Variants in FGF14 observed in about 807,000 individuals in gnomAD.
The protein encoded by FGF14 is fibroblast growth factor homologous factor 4.
In FGF14, 5 loss-of-function variants were observed where a neutral mutation model predicts 25.5. That is an observed-to-expected ratio of 0.20 (90% confidence interval 0.10 to 0.41). The LOEUF is 0.41. Among genes scored for constraint, FGF14 ranks in the 10% least tolerant of loss-of-function variants. FGF14 has a pLI of 1.00. For missense variants in FGF14, 222 were observed against 320.1 expected, an observed-to-expected ratio of 0.69 and a Z score of 2.34; for synonymous variants, 138 against 118.3, an observed-to-expected ratio of 1.17 and a Z score of -1.08.
intron 1 of FGF14, among the ~76,000 whole-genome samples, chr13:101,904,783 T>C (rs910651196): frequency 3.3e-5 from 5 of 152,234 alleles, no homozygotes; most frequent in Non-Finnish European, 5.9e-5. Flanking sequence ...TGGGAGTGTT[T>C]GGACACTAAG....
intron 1 of FGF14, among the ~76,000 whole-genome samples, chr13:101,906,166 T>C (rs141503860): frequency 4.6e-5 from 7 of 152,242 alleles, no homozygotes; most frequent in South Asian, 4.1e-4. Flanking sequence ...AGACAGCAAA[T>C]GCATTCAGTC....
At chr13:101,886,694 T>C (rs545016156) in intron 1 of FGF14, among the ~76,000 whole-genome samples, 15 of 152,056 alleles carry the variant, frequency 9.9e-5, no homozygotes, top group South Asian at 4.2e-4. Flanking sequence ...TATAGATAAA[T>C]GGGATTATAT....
chr13:101,945,658 C>T (rs950077005), intron 1 of FGF14, among the ~76,000 whole-genome samples: 2 of 152,198 alleles, frequency 1.3e-5, no homozygotes, highest in African/African-American at 4.8e-5. Flanking sequence ...TTCCCTTCTG[C>T]CTTCCTTCTG....
intron 1 of FGF14, among the ~76,000 whole-genome samples, chr13:102,328,394 G>C (rs1455742834): frequency 1.3e-5 from 2 of 152,224 alleles, no homozygotes; most frequent in African/African-American, 4.8e-5. Context: ...TTGTCTTCCA[G>C]ATAGACTATT....
At chr13:102,292,653 C>T (rs1411147227) in intron 1 of FGF14, 1 of 152,210 alleles carries the variant, frequency 6.6e-6, no homozygotes, top group African/African-American at 2.4e-5. Context: ...AAAGAAACCA[C>T]CTCACCTACA....
At chr13:102,115,809 A>G (rs1046982316) in intron 1 of FGF14, among the ~76,000 whole-genome samples, 2 of 104,384 alleles carry the variant, frequency 1.9e-5, no homozygotes, top group Non-Finnish European at 3.6e-5. Context: ...CAAATGAACC[A>G]AAAATAAAGT....
intron 1 of FGF14, among the ~76,000 whole-genome samples, chr13:101,989,264 C>T (rs1401754535): frequency 8.6e-5 from 13 of 151,924 alleles, no homozygotes; most frequent in Admixed American, 8.5e-4. Flanking sequence ...TAAAAAGTTA[C>T]AATTTTGATT....
At chr13:101,923,758 C>A (rs2034170990) in intron 1 of FGF14, among the ~76,000 whole-genome samples, 2 of 151,950 alleles carry the variant, frequency 1.3e-5, no homozygotes, top group African/African-American at 4.8e-5. Context: ...AGATTTCTAT[C>A]TATTAAAAAA....
chr13:102,352,975 T>C (rs1026086742), intron 1 of FGF14, among the ~76,000 whole-genome samples: 6 of 151,874 alleles, frequency 4.0e-5, no homozygotes, highest in Admixed American at 3.9e-4. Flanking sequence ...CCTGAAAGAG[T>C]CTTGAATCAA....
chr13:102,343,976 A>C (rs1356672277), intron 1 of FGF14, among the ~76,000 whole-genome samples: 1 of 152,210 alleles, frequency 6.6e-6, no homozygotes, highest in Non-Finnish European at 1.5e-5. Context: ...ACTCTGTCAC[A>C]GAAAGAATAT....
intron 1 of FGF14, among the ~76,000 whole-genome samples, chr13:102,076,564 C>T (rs995648144): frequency 6.6e-6 from 1 of 151,848 alleles, no homozygotes; most frequent in Non-Finnish European, 1.5e-5. Context: ...AAAATTTAAC[C>T]AAGGAGGTTA....
At chr13:102,011,988 G>A (rs918591402) in intron 1 of FGF14, among the ~76,000 whole-genome samples, 4 of 152,058 alleles carry the variant, frequency 2.6e-5, no homozygotes, top group Admixed American at 6.6e-5. Context: ...TTTTATTTTT[G>A]CTACCCAAAT....
At chr13:102,115,305 G>GAA (rs1263468058) in intron 1 of FGF14, among the ~76,000 whole-genome samples, 8 of 152,112 alleles carry the variant, frequency 5.3e-5, no homozygotes, top group Non-Finnish European at 8.8e-5. Context: ...CTTACAACAG[G>GAA]AAGGCTTTAT....
chr13:101,982,361 A>G (rs2139618782), intron 1 of FGF14, among the ~76,000 whole-genome samples: 1 of 152,262 alleles, frequency 6.6e-6, no homozygotes, highest in Admixed American at 6.5e-5. Context: ...GTTGTTTCTT[A>G]TTTTGTTTCT....
intron 3 of FGF14, among the ~76,000 whole-genome samples, chr13:101,812,753 C>T (rs1290631267): frequency 1.4e-5 from 2 of 146,066 alleles, no homozygotes; most frequent in African/African-American, 2.5e-5. Flanking sequence ...ACCTCTGCCT[C>T]CCAGCCTGGT....
chr13:101,718,057 T>A lies in FGF14; in HGVS notation c.*4774A>T, dbSNP rs2034792193. 6.6e-6 allele frequency: 1 copy of A among 152,184 alleles called. No individual in the cohort carries two copies. The highest frequency in any genetic ancestry group is 2.4e-5 in the African/African-American group (1 of 41,464). The allele number at this position is 152,184 out of a possible 1,614,324, so 9.4% of individuals were successfully genotyped here. On this transcript the variant is annotated 3_prime_UTR_variant, in exon 5 of 5. Coordinates refer to ENST00000376143, the MANE Select transcript of FGF14 (RefSeq NM_004115.4). ...TCAAAATGTGATTCATCTAAAATTT[T>A]GGACAAAGATGAAAATATAGTCAGC...
intron 1 of FGF14, among the ~76,000 whole-genome samples, chr13:102,222,002 T>A (rs1192198985): frequency 2.0e-5 from 3 of 152,176 alleles, no homozygotes; most frequent in Non-Finnish European, 4.4e-5. Flanking sequence ...TTGTTTATCT[T>A]TAGCAACAAT....
chr13:101,918,813 C>T (rs75863934), upstream of FGF14, among the ~76,000 whole-genome samples: 1,772 of 152,232 alleles, frequency 0.012, 42 homozygotes, highest in African/African-American at 0.041. Context: ...GGCTTTACGA[C>T]GGTGTTTGTC....
intron 1 of FGF14, among the ~76,000 whole-genome samples, chr13:102,378,482 T>C (rs1048775047): frequency 2.0e-5 from 3 of 152,142 alleles, no homozygotes; most frequent in African/African-American, 7.2e-5. Flanking sequence ...CATAGATCAT[T>C]TACCAGAGAA....
Sources: gnomAD v4.1 joint callset for allele counts (sites outside exome capture counted in the v4.1 genomes callset) on GRCh38, gnomAD v4.1.1 for gene constraint, MANE v1.5 for transcripts, NCBI Gene and HGNC (gene_info 2026-07-23, HGNC 2026-07-21) for gene names.